Variants in PLXNC1 observed in about 807,000 individuals in gnomAD.
PLXNC1 encodes plexin-C1.
A neutral mutation model predicts 178.2 loss-of-function variants in PLXNC1; 75 were observed. The observed-to-expected ratio is 0.42, with a 90% CI of 0.35 to 0.51. The LOEUF (loss-of-function observed/expected upper bound fraction) is 0.51. Among genes scored for constraint, PLXNC1 ranks in the 20% least tolerant of loss-of-function variants. The probability of loss-of-function intolerance (pLI) is 0.02; values close to 1 mark genes in which losing one functional copy is unlikely to be tolerated. For synonymous variants in PLXNC1, 790 were observed against 779.9 expected, an observed-to-expected ratio of 1.01 and a Z score of -0.22; for missense variants, 1,503 against 1,984.4, an observed-to-expected ratio of 0.76 and a Z score of 4.61.
chr12:94,231,471 A>G (rs1378516023), intron 9 of PLXNC1, among the ~76,000 whole-genome samples: 3 of 152,176 alleles, frequency 2.0e-5, no homozygotes, highest in Non-Finnish European at 4.4e-5. Context: ...ATGGAATGCC[A>G]TTCAAGGTAT....
chr12:94,247,934 G>C lies in PLXNC1; in HGVS notation c.2420G>C (p.Gly807Ala), dbSNP rs961380712. 1 of 1,614,088 alleles carries C rather than the reference G, an allele frequency of 6.2e-7. No homozygotes were observed. Among genetic ancestry groups the C allele is most frequent in the South Asian group, 1.1e-5 (1 of 91,080 alleles). The change falls in exon 13 of 31, where the codon GGG becomes GCG. Residue 807 changes from glycine (G) to alanine (A), a missense_variant. Transcript: ENST00000258526. ...VSEYCVATYC[G>A]FLAPSLKSSK... is the part of the protein sequence containing the mutation. The stretch of plus-strand genomic sequence containing the variant: ...GAATATTGTGTGGCGACTTACTGCG[G>C]GTTTTTAGCCCCCAGTTTAAAGAGT...
chr12:94,284,896 TG>T, intron 23 of PLXNC1, among the ~76,000 whole-genome samples: 1 of 151,686 alleles, frequency 6.6e-6, no homozygotes. Flanking sequence ...AGAAAATGAG[TG>T]GGGCTGTGTG....
intron 21 of PLXNC1, among the ~76,000 whole-genome samples, chr12:94,269,819 T>C (rs1320068993): frequency 1.3e-5 from 2 of 152,248 alleles, no homozygotes; most frequent in South Asian, 4.1e-4. Flanking sequence ...ACTAACTTCA[T>C]AGTTAGTGTT....
At chr12:94,264,983 T>C in intron 20 of PLXNC1, 96 bp from the exon 21 acceptor site, 2 of 1,237,576 alleles carry the variant, frequency 1.6e-6, no homozygotes, top group Non-Finnish European at 2.3e-6. Flanking sequence ...GAAAACCCTG[T>C]CTCCTGCCTT....
At chr12:94,290,452 A>G (rs889167384) in intron 23 of PLXNC1, among the ~76,000 whole-genome samples, 2 of 152,262 alleles carry the variant, frequency 1.3e-5, no homozygotes, top group Non-Finnish European at 2.9e-5. Flanking sequence ...AGTAAGAGTT[A>G]AGAATCCCTG....
At chr12:94,271,630 T>C (rs1282896243) in intron 21 of PLXNC1, among the ~76,000 whole-genome samples, 1 of 152,256 alleles carries the variant, frequency 6.6e-6, no homozygotes. Context: ...TTTCCTCTTC[T>C]GTAAACAGGC....
At chr12:94,255,010 AGGGCAGGGCCT>A in intron 16 of PLXNC1, 122 bp downstream of exon 16, 2 of 949,862 alleles carry the variant, frequency 2.1e-6, no homozygotes, top group Non-Finnish European at 3.2e-6. Flanking sequence ...AGGCAACGGA[AGGGCAGGGCCT>A]GGGCCTGGCT....
At chr12:94,216,111 CA>C (rs1225323285) in intron 5 of PLXNC1, among the ~76,000 whole-genome samples, 2 of 151,716 alleles carry the variant, frequency 1.3e-5, no homozygotes, top group East Asian at 1.9e-4. Context: ...ACTACAAATA[CA>C]AAAAAATTAG....
intron 2 of PLXNC1, among the ~76,000 whole-genome samples, chr12:94,171,711 TG>T (rs1961852644): frequency 6.6e-6 from 1 of 152,168 alleles, no homozygotes; most frequent in Non-Finnish European, 1.5e-5. Flanking sequence ...CACATGCTCC[TG>T]GGGTGAGTCA....
chr12:94,208,963 C>G (rs1164846515), intron 4 of PLXNC1, among the ~76,000 whole-genome samples: 1 of 152,128 alleles, frequency 6.6e-6, no homozygotes, highest in Non-Finnish European at 1.5e-5. Flanking sequence ...GAAAATGGCC[C>G]TGGAAAAATG....
chr12:94,272,516 G>C (rs1965634771), intron 21 of PLXNC1: 1 of 152,370 alleles, frequency 6.6e-6, no homozygotes, highest in African/African-American at 2.4e-5. Flanking sequence ...CAAGAGGCCA[G>C]CTCTGGGTCA....
At chr12:94,216,646 A>C (rs771788450) in intron 5 of PLXNC1, among the ~76,000 whole-genome samples, 4 of 152,244 alleles carry the variant, frequency 2.6e-5, no homozygotes, top group Non-Finnish European at 5.9e-5. Flanking sequence ...TGAGGAAATA[A>C]CTTGAAAGAA....
At chr12:94,234,411 C>T (rs917332105) in intron 9 of PLXNC1, among the ~76,000 whole-genome samples, 9 of 152,142 alleles carry the variant, frequency 5.9e-5, no homozygotes, top group Admixed American at 3.9e-4. Context: ...TAAAAAGGAT[C>T]GGGTATTCTA....
intron 2 of PLXNC1, among the ~76,000 whole-genome samples, chr12:94,174,521 C>T (rs1245337841): frequency 2.0e-5 from 3 of 152,280 alleles, no homozygotes; most frequent in Admixed American, 6.5e-5. Flanking sequence ...AAAATTAAAC[C>T]GGTTCCAAAA....
In PLXNC1 at chr12:94,275,803, C is replaced by T. The variant is rs1057475517; in HGVS notation, c.3598-3669C>T. Among the ~76,000 whole-genome samples, 6 of 128,946 alleles carry T rather than the reference C, an allele frequency of 4.7e-5. 1 individual carries two copies. In the East Asian group the frequency reaches 6.8e-4, roughly 15 times the overall value. The allele number at this position is 128,946 out of a possible 152,430, so 84.6% of individuals were successfully genotyped here. Reference sequence around the variant, plus strand: ...CCGGGAGGCGGAGCTTGCAGTGAGCCGAGATCCCGCCACTGCACTCCAGCC... The same window carrying T: ...CCGGGAGGCGGAGCTTGCAGTGAGCTGAGATCCCGCCACTGCACTCCAGCC... On this transcript the variant is annotated intron_variant, in intron 21 of 30. Coordinates refer to ENST00000258526, the MANE Select transcript of PLXNC1 (RefSeq NM_005761.3).
At chr12:94,245,761 A>G (rs12301981) in intron 12 of PLXNC1, among the ~76,000 whole-genome samples, 52,275 of 152,016 alleles carry the variant, frequency 0.34, 10,618 homozygotes, top group South Asian at 0.47. Context: ...ACATCACTCA[A>G]TCCTGCTTAG....
rs1036064125 is a variant in PLXNC1, at chr12:94,148,664, C to G, written c.-308C>G. ...TCCTCTCCGCCCGTCCCCTCCCTTC[C>G]CCTCCGCGCCTCCCCGCGAGCGCCA... On this transcript the variant is annotated 5_prime_UTR_variant, in exon 1 of 31. Coordinates refer to ENST00000258526, the MANE Select transcript of PLXNC1 (RefSeq NM_005761.3). The surrounding 1 kb of genome is among the most constrained non-coding windows in gnomAD (Gnocchi z 4.8). 2.0e-5 allele frequency: 3 copies of G among 151,988 alleles called. No homozygotes were observed. Among genetic ancestry groups the G allele is most frequent in the Non-Finnish European group, 4.4e-5 (3 of 68,010 alleles). The allele number at this position is 151,988 out of a possible 1,614,324, so 9.4% of individuals were successfully genotyped here. A position where few individuals can be genotyped will look rare whatever the true frequency, so the allele number is the denominator to read the frequency against.
intron 5 of PLXNC1, among the ~76,000 whole-genome samples, chr12:94,211,319 A>G (rs1276260283): frequency 6.6e-6 from 1 of 152,212 alleles, no homozygotes; most frequent in Non-Finnish European, 1.5e-5. Context: ...GAAGTTCGTA[A>G]TTTGACTAAA....
intron 1 of PLXNC1, among the ~76,000 whole-genome samples, chr12:94,159,925 TGA>T (rs144064765): frequency 0.04 from 6,034 of 152,274 alleles, 154 homozygotes; most frequent in African/African-American, 0.06. Flanking sequence ...AGAGCTGAAC[TGA>T]GGTTGCAGCA....
Sources: gnomAD v4.1 joint callset for allele counts (sites outside exome capture counted in the v4.1 genomes callset) on GRCh38, gnomAD v4.1.1 for gene constraint, Gnocchi (gnomAD v3.1) non-coding constraint, MANE v1.5 for transcripts, NCBI Gene and HGNC (gene_info 2026-07-23, HGNC 2026-07-21) for gene names.